Variants in SLIT3 observed in about 807,000 individuals in gnomAD.
SLIT3 encodes slit homolog 3 protein.
Under a neutral mutation model 184.0 loss-of-function variants are expected in SLIT3, and 68 were observed. The ratio of observed to expected loss-of-function variants is 0.37; its 90% confidence interval spans 0.30 to 0.45. SLIT3 has a LOEUF of 0.45. SLIT3 is among the 20% of genes least tolerant of loss of function. SLIT3 has a pLI of 1.00. For synonymous variants in SLIT3, 831 were observed against 828.6 expected, an observed-to-expected ratio of 1.00 and a Z score of -0.05; for missense variants, 1,707 against 2,026.0, an observed-to-expected ratio of 0.84 and a Z score of 3.02.
At chr5:169,116,485 T>G (rs951821443) in intron 4 of SLIT3, among the ~76,000 whole-genome samples, 1 of 152,190 alleles carries the variant, frequency 6.6e-6, no homozygotes. Flanking sequence ...AGTTATGGTG[T>G]TCAGGATGAA....
chr5:168,833,430 C>T (rs17733520), intron 6 of SLIT3, among the ~76,000 whole-genome samples: 21,291 of 152,140 alleles, frequency 0.14, 1,811 homozygotes, highest in East Asian at 0.25. Flanking sequence ...GCTTACTCAA[C>T]GGGTTTCTGG....
Position 168,662,138 on chromosome 5 carries a change from A to G in SLIT3, c.*4316T>C, listed in dbSNP as rs953773317. On this transcript the variant is annotated 3_prime_UTR_variant, in exon 36 of 36. Transcript: ENST00000519560. ...CATCCACTGTGGGGTAGCAGGAAGA[A>G]CTTTGGCCTGGGTGGACACATGGGG... 1 of 152,204 alleles carries G rather than the reference A, an allele frequency of 6.6e-6. No homozygotes were observed. The highest frequency in any genetic ancestry group is 2.4e-5 in the African/African-American group (1 of 41,452). 9.4% of individuals were successfully genotyped at this position (152,204 alleles called of 1,614,324 possible).
At chr5:169,031,332 G>A (rs939897610) in intron 4 of SLIT3, among the ~76,000 whole-genome samples, 1 of 151,944 alleles carries the variant, frequency 6.6e-6, no homozygotes, top group Non-Finnish European at 1.5e-5. Flanking sequence ...GGGACTAGAG[G>A]GGTAGAAAAA....
intron 4 of SLIT3, among the ~76,000 whole-genome samples, chr5:169,150,340 G>A (rs1311843421): frequency 6.6e-6 from 1 of 152,080 alleles, no homozygotes; most frequent in Non-Finnish European, 1.5e-5. Context: ...GACCACAAAT[G>A]GCTAATGAGG....
intron 35 of SLIT3, among the ~76,000 whole-genome samples, chr5:168,667,377 T>C (rs928008724): frequency 6.6e-6 from 1 of 152,216 alleles, no homozygotes; most frequent in Admixed American, 6.5e-5. Flanking sequence ...CTATAAGACA[T>C]TTGTATTCAA....
intron 25 of SLIT3, 113 bp downstream of exon 25, chr5:168,710,782 A>C: frequency 1.1e-6 from 1 of 886,734 alleles, no homozygotes. Flanking sequence ...TGGAAGAGAC[A>C]GGGTGAAGGT....
chr5:168,764,233 T>A (rs533282644), intron 14 of SLIT3, among the ~76,000 whole-genome samples: 1 of 152,230 alleles, frequency 6.6e-6, no homozygotes, highest in Admixed American at 6.5e-5. Context: ...TGTGAAAATA[T>A]GAATGTAGCT....
intron 4 of SLIT3, among the ~76,000 whole-genome samples, chr5:168,982,195 T>G (rs1332098727): frequency 6.6e-6 from 1 of 152,278 alleles, no homozygotes; most frequent in Non-Finnish European, 1.5e-5. Flanking sequence ...GTTTTTGTCC[T>G]GTCCACAACT....
intron 4 of SLIT3, among the ~76,000 whole-genome samples, chr5:168,896,993 G>A (rs1760686259): frequency 1.3e-5 from 2 of 152,174 alleles, no homozygotes; most frequent in African/African-American, 2.4e-5. Context: ...TATGCAAGGT[G>A]GGAATGGGAG....
chr5:168,837,682 C>T (rs1236260989), intron 6 of SLIT3, among the ~76,000 whole-genome samples: 1 of 152,142 alleles, frequency 6.6e-6, no homozygotes, highest in East Asian at 1.9e-4. Flanking sequence ...TAGTACGTGC[C>T]AGGAGTGAGT....
intron 6 of SLIT3, among the ~76,000 whole-genome samples, chr5:168,840,927 T>C (rs1758223290): frequency 6.6e-6 from 1 of 151,846 alleles, no homozygotes; most frequent in Admixed American, 6.6e-5. Flanking sequence ...GCAGGACGAG[T>C]TCCTTACTCC....
chr5:168,799,216 G>A (rs1756680021), intron 9 of SLIT3, among the ~76,000 whole-genome samples: 1 of 152,306 alleles, frequency 6.6e-6, no homozygotes, highest in South Asian at 2.1e-4. Context: ...GGATGCAAAG[G>A]TCCAGACTCC....
chr5:168,729,020 G>C (rs1581012831), intron 20 of SLIT3, among the ~76,000 whole-genome samples: 1 of 150,996 alleles, frequency 6.6e-6, no homozygotes, highest in Non-Finnish European at 1.5e-5. Context: ...TTCAATAATA[G>C]ACTAGAACAA....
In SLIT3 at chr5:168,738,289, A is replaced by G. The variant is rs80322598; in HGVS notation, c.2270+10013T>C. On this transcript the variant is annotated intron_variant, in intron 20 of 35. Transcript: ENST00000519560. ...AGCATGAATCAGGACATCGCTACCAAATGAAACTGGTGGTCACTGTATTCT... is the reference window on the plus strand; with the variant it reads ...AGCATGAATCAGGACATCGCTACCAGATGAAACTGGTGGTCACTGTATTCT... Among the ~76,000 whole-genome samples, 607 of 152,274 alleles carry G rather than the reference A, an allele frequency of 4.0e-3. 2 individuals are homozygous for G. The highest frequency in any genetic ancestry group is 7.4e-3 in the Admixed American group (113 of 15,304).
At chr5:169,125,284 G>A (rs1377861721) in intron 4 of SLIT3, among the ~76,000 whole-genome samples, 1 of 152,178 alleles carries the variant, frequency 6.6e-6, no homozygotes, top group Non-Finnish European at 1.5e-5. Context: ...CTGACGTGGT[G>A]ATCCACCTGC....
chr5:168,894,942 T>A (rs918922404), intron 4 of SLIT3, among the ~76,000 whole-genome samples: 1 of 151,910 alleles, frequency 6.6e-6, no homozygotes, highest in Non-Finnish European at 1.5e-5. Flanking sequence ...GAGGAAGTTC[T>A]GATGATCTTT....
In SLIT3 at chr5:168,774,399, G is replaced by C. The variant is rs1480817943; in HGVS notation, c.1152-21C>G. 2.5e-6 allele frequency: 4 copies of C among 1,598,476 alleles called. No homozygotes were observed. In the African/African-American group the frequency reaches 4.0e-5, roughly 16 times the overall value. ...GGAGGCTGCAAACAGAAGAGAGCCT[G>C]GTTGATTCACTAATCCTGGTAATTA... On this transcript the variant is annotated intron_variant, in intron 12 of 35. Transcript: ENST00000519560.
At chr5:168,851,428 G>T (rs62378546) in intron 5 of SLIT3, among the ~76,000 whole-genome samples, 1,993 of 151,198 alleles carry the variant, frequency 0.013, 21 homozygotes, top group South Asian at 0.022. Flanking sequence ...ATAAATAAAA[G>T]AACAACAATA....
chr5:169,040,808 C>T (rs1450579672), intron 4 of SLIT3, among the ~76,000 whole-genome samples: 1 of 152,312 alleles, frequency 6.6e-6, no homozygotes, highest in East Asian at 1.9e-4. Flanking sequence ...ACATTATGAC[C>T]TGAAGAATCC....
Sources: allele counts gnomAD v4.1 joint callset (sites outside exome capture counted in the v4.1 genomes callset), GRCh38; gene constraint gnomAD v4.1.1; transcripts MANE v1.5; gene names NCBI Gene and HGNC (gene_info 2026-07-23, HGNC 2026-07-21).